Variants in ABLIM3 observed in about 807,000 individuals in gnomAD.
The protein encoded by ABLIM3 is actin-binding LIM protein 3.
A neutral mutation model predicts 109.5 loss-of-function variants in ABLIM3; 61 were observed. That is an observed-to-expected ratio of 0.56 (90% CI 0.45 to 0.69). The LOEUF is 0.69. Ranked by LOEUF, ABLIM3 falls within the 30% of genes least tolerant of loss-of-function variation. The pLI is 0.00. For missense variants in ABLIM3, 796 were observed against 889.5 expected (o/e 0.89, Z 1.34); for synonymous variants, 300 against 324.8 (o/e 0.92, Z 0.82).
chr5:149,142,135 A>C, intron 2 of ABLIM3, 27 bp downstream of exon 2: 3 of 972,158 alleles, frequency 3.1e-6, no homozygotes, highest in South Asian at 1.3e-5. Context: ...CTCCTTTGCC[A>C]TGGGAACAGG....
At chr5:149,164,364 G>A (rs527383226) in intron 2 of ABLIM3, 3 of 152,196 alleles carry the variant, frequency 2.0e-5, no homozygotes, top group Non-Finnish European at 4.4e-5. Flanking sequence ...ATACTCCAGG[G>A]TACAGAGAAC....
chr5:149,143,484 C>T (rs1009070476), intron 2 of ABLIM3, among the ~76,000 whole-genome samples: 1 of 151,868 alleles, frequency 6.6e-6, no homozygotes, highest in African/African-American at 2.4e-5. Flanking sequence ...GAAGCTGTAT[C>T]CAGCCAAAAC....
chr5:149,241,914 A>G (rs1411239041), intron 14 of ABLIM3, among the ~76,000 whole-genome samples: 1 of 152,170 alleles, frequency 6.6e-6, no homozygotes, highest in Admixed American at 6.5e-5. Context: ...AGTTTGGACA[A>G]GGTCTCCCTC....
intron 19 of ABLIM3, 105 bp downstream of exon 19, chr5:149,249,949 C>G: frequency 7.5e-7 from 1 of 1,328,278 alleles, no homozygotes; most frequent in Non-Finnish European, 1.1e-6. Flanking sequence ...TGTGGATGTC[C>G]CAGCCCACTC....
intron 23 of ABLIM3, among the ~76,000 whole-genome samples, chr5:149,254,198 G>T (rs796817027): frequency 1.3e-5 from 2 of 152,032 alleles, no homozygotes; most frequent in South Asian, 4.1e-4. Context: ...AATGCCCTTC[G>T]CATCTCACCA....
chr5:149,247,182 A>G (rs929264099), intron 17 of ABLIM3, among the ~76,000 whole-genome samples: 11 of 152,372 alleles, frequency 7.2e-5, no homozygotes, highest in Non-Finnish European at 1.5e-4. Flanking sequence ...TATGCTTAAG[A>G]AAAGAAGCCA....
chr5:149,142,414 T>G (rs2127421227), intron 2 of ABLIM3, among the ~76,000 whole-genome samples: 1 of 152,206 alleles, frequency 6.6e-6, no homozygotes. Context: ...TGTCTGACTG[T>G]GGGGGCTCTG....
chr5:149,172,619 T>C (rs1288651970), intron 2 of ABLIM3, among the ~76,000 whole-genome samples: 2 of 152,152 alleles, frequency 1.3e-5, no homozygotes, highest in African/African-American at 4.8e-5. Flanking sequence ...AGACCCCAAA[T>C]TGGTGGCCCA....
chr5:149,174,264 C>G (rs1488896498), intron 2 of ABLIM3, among the ~76,000 whole-genome samples: 1 of 150,950 alleles, frequency 6.6e-6, no homozygotes, highest in Non-Finnish European at 1.5e-5. Context: ...AGAAAGTCTT[C>G]ATAGCTTTAA....
At chr5:149,146,285 G>A (rs1330693109) in intron 2 of ABLIM3, among the ~76,000 whole-genome samples, 1 of 152,112 alleles carries the variant, frequency 6.6e-6, no homozygotes. Context: ...TCTGTTGATA[G>A]TATCTTTTGC....
chr5:149,246,671 T>G, intron 17 of ABLIM3, 125 bp downstream of exon 17: 1 of 1,017,260 alleles, frequency 9.8e-7, no homozygotes, highest in Non-Finnish European at 1.4e-6. Context: ...AGCATAGCTT[T>G]GCATAACTGA....
intron 3 of ABLIM3, among the ~76,000 whole-genome samples, chr5:149,195,835 A>G (rs1040466456): frequency 6.6e-6 from 1 of 152,166 alleles, no homozygotes; most frequent in South Asian, 2.1e-4. Context: ...GACTTCTGCC[A>G]CCACCACCAT....
intron 5 of ABLIM3, among the ~76,000 whole-genome samples, chr5:149,206,671 G>A (rs763374412): frequency 4.6e-5 from 7 of 152,284 alleles, no homozygotes; most frequent in South Asian, 2.1e-4. Flanking sequence ...TGATGCTGAC[G>A]CTGCAGATGG....
chr5:149,242,699 G>A, intron 15 of ABLIM3, 161 bp downstream of exon 15: 1 of 745,564 alleles, frequency 1.3e-6, no homozygotes, highest in Non-Finnish European at 2.4e-6. Context: ...CATTAGGGCA[G>A]AGTTTGGTAT....
At chr5:149,236,210 A>G (rs1327095421) in intron 10 of ABLIM3, among the ~76,000 whole-genome samples, 3 of 152,342 alleles carry the variant, frequency 2.0e-5, no homozygotes, top group Admixed American at 2.0e-4. Context: ...GCAACAGAGA[A>G]TAAGCAACCC....
At chr5:149,247,123 G>T (rs1160529434) in intron 17 of ABLIM3, among the ~76,000 whole-genome samples, 1 of 152,230 alleles carries the variant, frequency 6.6e-6, no homozygotes, top group African/African-American at 2.4e-5. Context: ...GCCATGAAAA[G>T]AAATGAAGTA....
chr5:149,162,352 G>A (rs760204478), intron 2 of ABLIM3, among the ~76,000 whole-genome samples: 7 of 152,276 alleles, frequency 4.6e-5, no homozygotes, highest in Non-Finnish European at 1.5e-5. Flanking sequence ...TGGGTCTAGT[G>A]TCCTCATATA....
intron 18 of ABLIM3, among the ~76,000 whole-genome samples, chr5:149,248,968 A>C (rs1034414079): frequency 6.6e-6 from 1 of 152,112 alleles, no homozygotes; most frequent in Non-Finnish European, 1.5e-5. Flanking sequence ...TCTCGGATCA[A>C]TACATTATGG....
At position 149,258,308 on chromosome 5, in the gene ABLIM3, A is replaced by G; in HGVS notation, c.1956A>G (p.Glu652=). ...TCCTTCAGCGCCACCTGTCCCAGGA[A>G]GAGTTCTACCAAGTCTTTGGCATGA... The part of the protein sequence containing the change: ...RTRLERHLSQ[E]EFYQVFGMTI... The change falls in exon 24 of 24, where the codon GAA becomes GAG. Residue 652 remains glutamate, a synonymous_variant. Transcript: ENST00000309868. 1 of 1,613,936 alleles carries G rather than the reference A, an allele frequency of 6.2e-7. No individual in the cohort carries two copies. The highest frequency in any genetic ancestry group is 8.5e-7 in the Non-Finnish European group (1 of 1,179,958).
Sources: gnomAD v4.1 joint callset for allele counts (sites outside exome capture counted in the v4.1 genomes callset) on GRCh38, gnomAD v4.1.1 for gene constraint, MANE v1.5 for transcripts, NCBI Gene and HGNC (gene_info 2026-07-23, HGNC 2026-07-21) for gene names.